Variants in DNASE1 observed in about 807,000 individuals in gnomAD.
DNASE1 encodes deoxyribonuclease 1.
Under a neutral mutation model 33.9 loss-of-function variants are expected in DNASE1, and 40 were observed. The ratio of observed to expected loss-of-function variants is 1.18; its 90% CI spans 0.92 to 1.54. DNASE1 has a LOEUF of 1.54. Among genes scored for constraint, DNASE1 ranks in the 40% most tolerant of loss-of-function variants. The probability of loss-of-function intolerance (pLI) is 0.00; values close to 1 mark genes in which losing one functional copy is unlikely to be tolerated. For synonymous variants in DNASE1, 216 were observed against 160.0 expected (o/e 1.35, Z -2.64); for missense variants, 518 against 372.6 (o/e 1.39, Z -3.21).
chr16:3,648,346 A>G (rs2042233796), intron 1 of DNASE1, among the ~76,000 whole-genome samples: 1 of 152,168 alleles, frequency 6.6e-6, no homozygotes, highest in Admixed American at 6.5e-5. Flanking sequence ...GCGGAACACA[A>G]GGTCAGGAGA....
At chr16:3,658,307 C>CAAAA, downstream of DNASE1, 2 of 1,212,040 alleles carry the variant, frequency 1.7e-6, no homozygotes, top group Non-Finnish European at 2.4e-6. Flanking sequence ...GACAGAGTCT[C>CAAAA]ACTGTTGCCG....
At chr16:3,658,687 AAAC>A (rs1388715144), downstream of DNASE1, 12 of 1,160,146 alleles carry the variant, frequency 1.0e-5, no homozygotes, top group Admixed American at 1.4e-4. Flanking sequence ...ACAAACAAAC[AAAC>A]AAAAAGACAG....
rs994753247 is a variant in DNASE1, at chr16:3,656,203, C to A, written c.320+18C>A. 13 of 1,612,770 alleles carry A rather than the reference C, an allele frequency of 8.1e-6. No individual in the cohort carries two copies. In the African/African-American group the frequency reaches 1.2e-4, roughly 15 times the overall value. ...GTGTACAGGTGGGTGGTCTAGAAAG[C>A]CAGGAAGCCCCTCCCTCACCTGGGA... On this transcript the variant is annotated intron_variant, in intron 4 of 8. Coordinates refer to ENST00000246949, the MANE Select transcript of DNASE1 (RefSeq NM_005223.4).
upstream of DNASE1, chr16:3,640,879 A>G (rs1298450957): frequency 2.8e-5 from 11 of 398,422 alleles, no homozygotes; most frequent in East Asian, 3.9e-4. Flanking sequence ...CATGGGCTCA[A>G]GCGAGGACAG....
chr16:3,625,188 C>A (rs889672231), intron 1 of DNASE1, among the ~76,000 whole-genome samples: 14 of 152,138 alleles, frequency 9.2e-5, no homozygotes, highest in Non-Finnish European at 2.1e-4. Context: ...TGCCTGTAAT[C>A]CCAGCTACTT....
chr16:3,627,555 G>C (rs1273390201), intron 1 of DNASE1, among the ~76,000 whole-genome samples: 1 of 152,128 alleles, frequency 6.6e-6, no homozygotes. Context: ...ACATGAGCCA[G>C]TGCACCTGGC....
upstream of DNASE1, among the ~76,000 whole-genome samples, chr16:3,650,344 A>G (rs535831936): frequency 5.9e-5 from 9 of 152,282 alleles, no homozygotes; most frequent in Admixed American, 5.2e-4. Context: ...ACGTAAATGA[A>G]TATTCTAAAT....
chr16:3,658,838 C>T (rs2151231178), downstream of DNASE1: 1 of 1,614,030 alleles, frequency 6.2e-7, no homozygotes, highest in East Asian at 2.2e-5. Context: ...TTGCGCGCAG[C>T]TGATTCAGCT....
downstream of DNASE1, chr16:3,658,184 C>G (rs750808169): frequency 3.1e-6 from 5 of 1,614,092 alleles, no homozygotes; most frequent in Admixed American, 5.0e-5. Context: ...CACCATGGCC[C>G]TAGGGTCGTC....
At chr16:3,658,735 C>T (rs527522172), downstream of DNASE1, 10 of 1,530,960 alleles carry the variant, frequency 6.5e-6, no homozygotes, top group African/African-American at 8.2e-5. Flanking sequence ...ACCCTGAAGG[C>T]AGGCTGGCAG....
chr16:3,662,537 G>T, downstream of DNASE1: 2 of 540,808 alleles, frequency 3.7e-6, no homozygotes, highest in Non-Finnish European at 6.9e-6. Context: ...CCCCGACTAA[G>T]CACCCAAGTG....
exon 10 of DNASE1, chr16:3,663,253 A>G: frequency 2.3e-6 from 2 of 858,662 alleles, no homozygotes; most frequent in Non-Finnish European, 3.5e-6. Flanking sequence ...CTGATATCTA[A>G]ACCAGGAGGC....
At chr16:3,654,250 A>G, upstream of DNASE1, 2 of 397,752 alleles carry the variant, frequency 5.0e-6, no homozygotes, top group Non-Finnish European at 4.4e-6. Context: ...CTACCTCAAG[A>G]AGGCTCCCCA....
chr16:3,641,838 G>A (rs1488437960), upstream of DNASE1, among the ~76,000 whole-genome samples: 1 of 152,166 alleles, frequency 6.6e-6, no homozygotes, highest in Non-Finnish European at 1.5e-5. Context: ...GGGTGCCTGG[G>A]GGCTGGAAGG....
intron 1 of DNASE1, among the ~76,000 whole-genome samples, chr16:3,645,160 GAAAATCCC>G (rs1208187089): frequency 3.3e-5 from 5 of 151,984 alleles, no homozygotes; most frequent in Non-Finnish European, 7.4e-5. Context: ...AAAGTAAAAA[GAAAATCCC>G]TTGCAACTAC....
At position 3,656,188 on chromosome 16, in the gene DNASE1, G is replaced by A; in HGVS notation, c.320+3G>A. 2 of 1,613,886 alleles carry A rather than the reference G, an allele frequency of 1.2e-6. No individual in the cohort carries two copies. The highest frequency in any genetic ancestry group is 1.1e-5 in the South Asian group (1 of 91,086). On this transcript the variant is annotated splice_donor_region_variant and intron_variant, in intron 4 of 8. Transcript: ENST00000246949. ...GAGCGCTACCTGTTCGTGTACAGGT[G>A]GGTGGTCTAGAAAGCCAGGAAGCCC...
At chr16:3,664,693 G>T in exon 10 of DNASE1, 1 of 523,732 alleles carries the variant, frequency 1.9e-6, no homozygotes, top group Non-Finnish European at 3.3e-6. Context: ...AGGTGGCCCA[G>T]GGGCTCTCCA....
At chr16:3,656,933 C>G in intron 5 of DNASE1, 66 bp from the exon 6 acceptor site, 1 of 1,582,320 alleles carries the variant, frequency 6.3e-7, no homozygotes, top group Non-Finnish European at 8.6e-7. Flanking sequence ...TACATAGTTC[C>G]AGCTGACATG....
chr16:3,665,407 A>G (rs1347965206), exon 10 of DNASE1: 1 of 153,128 alleles, frequency 6.5e-6, no homozygotes, highest in Non-Finnish European at 1.5e-5. Context: ...TAAAAGGTGA[A>G]TTCTGTGAAT....
Sources: allele counts gnomAD v4.1 joint callset (sites outside exome capture counted in the v4.1 genomes callset), GRCh38; gene constraint gnomAD v4.1.1; transcripts MANE v1.5; gene names NCBI Gene and HGNC (gene_info 2026-07-23, HGNC 2026-07-21).